MAST2: variants seen among roughly 807,000 people sequenced by gnomAD.
The protein encoded by MAST2 is microtubule associated serine/threonine kinase 2, also known as microtubule-associated serine/threonine-protein kinase 2.
Under a neutral mutation model 147.4 loss-of-function variants are expected in MAST2, and 70 were observed. The ratio of observed to expected loss-of-function variants is 0.47; its 90% CI spans 0.39 to 0.58. MAST2 has a LOEUF of 0.58. Among genes scored for constraint, MAST2 ranks in the 20% least tolerant of loss-of-function variants. MAST2 has a pLI of 0.00. For missense variants in MAST2, 2,080 were observed against 2,302.3 expected, an observed-to-expected ratio of 0.90 and a Z score of 1.98; for synonymous variants, 869 against 896.8, an observed-to-expected ratio of 0.97 and a Z score of 0.55.
intron 4 of MAST2, among the ~76,000 whole-genome samples, chr1:45,936,919 A>AT (rs1656284282): frequency 6.6e-6 from 1 of 151,756 alleles, no homozygotes; most frequent in South Asian, 2.1e-4. Context: ...AAGTTTCTTT[A>AT]TTTTTTAGAG....
At chr1:45,859,889 C>T (rs1645918597) in intron 3 of MAST2, among the ~76,000 whole-genome samples, 1 of 152,068 alleles carries the variant, frequency 6.6e-6, no homozygotes, top group South Asian at 2.1e-4. Context: ...ACAAGAAACC[C>T]TGCTCTTTCT....
chr1:45,936,318 A>G (rs1057320640), intron 4 of MAST2, among the ~76,000 whole-genome samples: 2 of 152,152 alleles, frequency 1.3e-5, no homozygotes, highest in Admixed American at 6.5e-5. Flanking sequence ...TTCTAGGTAT[A>G]TAGAATGGTA....
chr1:45,868,572 G>A (rs527302616), intron 3 of MAST2, among the ~76,000 whole-genome samples: 18 of 151,956 alleles, frequency 1.2e-4, no homozygotes, highest in African/African-American at 4.3e-4. Context: ...GTTCAAAAAC[G>A]AGAGTACTTA....
chr1:46,035,834 G>T lies in MAST2; in HGVS notation c.5165G>T (p.Ser1722Ile). The T allele has an allele frequency of 6.2e-7, 1 of 1,614,132 alleles. No individual in the cohort carries two copies. Among genetic ancestry groups the T allele is most frequent in the Non-Finnish European group, 8.5e-7 (1 of 1,180,040 alleles). ...GCCCATCCATCTTATGAGGATCCCA[G>T]CCAGGGCTGGCTATGGGAGTCTGAG... is the stretch of plus-strand genomic sequence containing the variant. ...RLAHPSYEDP[S>I]QGWLWESECA... The change falls in exon 29 of 29, where the codon AGC (serine) becomes ATC (isoleucine). Residue 1722 changes from serine (S) to isoleucine (I), a missense_variant. Ser to Ile is a moderately radical substitution (Grantham distance 142). Coordinates refer to ENST00000361297, the MANE Select transcript of MAST2 (RefSeq NM_015112.3). The surrounding 1 kb of genome is among the most constrained non-coding windows in gnomAD (Gnocchi z 5.5).
chr1:45,848,104 T>C (rs897187416), intron 3 of MAST2, among the ~76,000 whole-genome samples: 4 of 152,224 alleles, frequency 2.6e-5, no homozygotes, highest in Admixed American at 2.0e-4. Flanking sequence ...ATAGAATGTA[T>C]AGGGAACAAG....
At chr1:45,949,328 A>G (rs1658580658) in intron 4 of MAST2, among the ~76,000 whole-genome samples, 1 of 152,232 alleles carries the variant, frequency 6.6e-6, no homozygotes, top group African/African-American at 2.4e-5. Context: ...GCATCTGACA[A>G]AGGTCTAATA....
intron 4 of MAST2, among the ~76,000 whole-genome samples, chr1:45,898,633 C>T (rs767848380): frequency 1.1e-4 from 17 of 152,158 alleles, no homozygotes; most frequent in African/African-American, 2.2e-4. Context: ...CCAGGGCTAC[C>T]GGCATCAGTC....
intron 10 of MAST2, among the ~76,000 whole-genome samples, chr1:46,015,101 G>A (rs187881568): frequency 0.053 from 8,043 of 151,368 alleles, 302 homozygotes; most frequent in Middle Eastern, 0.082. Flanking sequence ...AATGAAGGCA[G>A]AAATAAAGAT....
At chr1:45,881,802 G>A (rs1042239064) in intron 3 of MAST2, among the ~76,000 whole-genome samples, 5 of 151,874 alleles carry the variant, frequency 3.3e-5, no homozygotes, top group Non-Finnish European at 7.4e-5. Flanking sequence ...GAAAAATGTT[G>A]CATGTATTCT....
At chr1:45,985,661 G>A (rs1046528777) in intron 5 of MAST2, among the ~76,000 whole-genome samples, 1 of 152,142 alleles carries the variant, frequency 6.6e-6, no homozygotes, top group Non-Finnish European at 1.5e-5. Flanking sequence ...ACAGGCAGCT[G>A]GTATTTTTAT....
intron 5 of MAST2, among the ~76,000 whole-genome samples, chr1:45,963,897 C>G (rs1476687661): frequency 6.6e-6 from 1 of 152,176 alleles, no homozygotes; most frequent in African/African-American, 2.4e-5. Context: ...GTGGGTTTGT[C>G]ATAATTTATT....
chr1:45,951,344 A>AG (rs1658903019), intron 4 of MAST2, among the ~76,000 whole-genome samples: 1 of 152,074 alleles, frequency 6.6e-6, no homozygotes, highest in Admixed American at 6.5e-5. Flanking sequence ...GCAGTTTGGG[A>AG]GGACAAGACG....
chr1:45,970,188 C>CTG (rs1451227349), intron 5 of MAST2, among the ~76,000 whole-genome samples: 2 of 152,210 alleles, frequency 1.3e-5, no homozygotes, highest in African/African-American at 4.8e-5. Context: ...TCAGTAATCA[C>CTG]TGTGAGGATC....
intron 5 of MAST2, among the ~76,000 whole-genome samples, chr1:45,995,522 C>T (rs1239058358): frequency 6.6e-6 from 1 of 152,194 alleles, no homozygotes; most frequent in South Asian, 2.1e-4. Context: ...ATACAAGGCA[C>T]TCCTGGACGG....
At chr1:45,859,510 T>A (rs1240087571) in intron 3 of MAST2, among the ~76,000 whole-genome samples, 2 of 152,026 alleles carry the variant, frequency 1.3e-5, no homozygotes, top group African/African-American at 4.8e-5. Flanking sequence ...TGAAACAAAG[T>A]GGTGCGTGCA....
At chr1:45,970,667 CA>C (rs754544108) in intron 5 of MAST2, among the ~76,000 whole-genome samples, 14,971 of 71,986 alleles carry the variant, frequency 0.21, 603 homozygotes, top group Middle Eastern at 0.29. Flanking sequence ...GACTCTGTCT[CA>C]AAAAAAAAAA....
intron 4 of MAST2, among the ~76,000 whole-genome samples, chr1:45,907,864 C>G (rs2148544381): frequency 6.6e-6 from 1 of 152,256 alleles, no homozygotes. Flanking sequence ...TAATGCACAT[C>G]TATATTAAAG....
At chr1:45,901,548 G>C (rs1649768124) in intron 4 of MAST2, among the ~76,000 whole-genome samples, 1 of 151,976 alleles carries the variant, frequency 6.6e-6, no homozygotes, top group Non-Finnish European at 1.5e-5. Flanking sequence ...AACGACATTG[G>C]TAATTTGATT....
chr1:45,991,717 A>G (rs1364972972), intron 5 of MAST2, among the ~76,000 whole-genome samples: 1 of 152,172 alleles, frequency 6.6e-6, no homozygotes. Context: ...TTAGCATTGT[A>G]TCCTGCAACC....
Sources: gnomAD v4.1 joint callset for allele counts (sites outside exome capture counted in the v4.1 genomes callset) on GRCh38, gnomAD v4.1.1 for gene constraint, Gnocchi (gnomAD v3.1) non-coding constraint, MANE v1.5 for transcripts, NCBI Gene and HGNC (gene_info 2026-07-23, HGNC 2026-07-21) for gene names.